CPNE4: variants seen among roughly 807,000 people sequenced by gnomAD.
The protein encoded by CPNE4 is copine-4.
CPNE4 carries 25 observed loss-of-function variants against 67.9 expected under a neutral mutation model. That is an observed-to-expected ratio of 0.37 (90% CI 0.27 to 0.51). The LOEUF (loss-of-function observed/expected upper bound fraction) is 0.51. CPNE4 is among the 20% of genes least tolerant of loss of function. The probability of loss-of-function intolerance (pLI) is 0.93; values close to 1 mark genes in which losing one functional copy is unlikely to be tolerated. For missense variants in CPNE4, 464 were observed against 690.8 expected, an observed-to-expected ratio of 0.67 and a Z score of 3.68; for synonymous variants, 242 against 244.9, an observed-to-expected ratio of 0.99 and a Z score of 0.11.
intron 1 of CPNE4, among the ~76,000 whole-genome samples, chr3:132,004,400 G>A (rs1260886009): frequency 1.3e-5 from 2 of 152,192 alleles, no homozygotes; most frequent in South Asian, 2.1e-4. Context: ...ATGTATGTCT[G>A]CATATGTGTG....
chr3:131,637,495 G>A (rs1235934190), intron 7 of CPNE4, among the ~76,000 whole-genome samples: 3 of 151,928 alleles, frequency 2.0e-5, no homozygotes, highest in Non-Finnish European at 4.4e-5. Flanking sequence ...CAAAGACAAA[G>A]AAAAAAAATT....
intron 2 of CPNE4, among the ~76,000 whole-genome samples, chr3:131,734,872 CAG>C (rs1243053960): frequency 6.6e-6 from 1 of 152,124 alleles, no homozygotes; most frequent in Non-Finnish European, 1.5e-5. Flanking sequence ...GCCTGGGCAA[CAG>C]GAGTGAAACC....
At chr3:131,900,835 A>G (rs749550271) in intron 2 of CPNE4, among the ~76,000 whole-genome samples, 2 of 152,278 alleles carry the variant, frequency 1.3e-5, no homozygotes, top group South Asian at 2.1e-4. Context: ...GTCACTAACA[A>G]TAATTACCAA....
intron 15 of CPNE4, among the ~76,000 whole-genome samples, chr3:131,540,135 C>A (rs1220218260): frequency 6.6e-6 from 1 of 152,190 alleles, no homozygotes. Context: ...ACATGCACAG[C>A]CCTGGGAGCT....
Position 132,034,906 on chromosome 3 carries a change from G to T in CPNE4, c.-341C>A. On this transcript the variant is annotated 5_prime_UTR_variant, in exon 1 of 16. Coordinates refer to ENST00000429747, the MANE Select transcript of CPNE4 (RefSeq NM_130808.3). ...GGAGGGTACTGAGAAAAGAGGGAGG[G>T]AGTGGAGTGGAGCGAGGGAGGAAGG... The T allele has an allele frequency of 1.0e-6, 1 of 985,448 alleles. No individual in the cohort carries two copies. The highest frequency in any genetic ancestry group is 1.2e-6 in the Non-Finnish European group (1 of 829,970). 61.0% of individuals were successfully genotyped at this position (985,448 alleles called of 1,614,324 possible). A position where few individuals can be genotyped will look rare whatever the true frequency, so the allele number is the denominator to read the frequency against.
intron 1 of CPNE4, among the ~76,000 whole-genome samples, chr3:131,927,949 A>G (rs577906409): frequency 2.0e-5 from 3 of 152,312 alleles, no homozygotes; most frequent in African/African-American, 7.2e-5. Flanking sequence ...GAAAACCGCT[A>G]AAGAAAATTG....
At chr3:132,025,173 T>C (rs936745622) in intron 1 of CPNE4, among the ~76,000 whole-genome samples, 1 of 152,136 alleles carries the variant, frequency 6.6e-6, no homozygotes, top group African/African-American at 2.4e-5. Flanking sequence ...TTTTAGACTT[T>C]CGTAACAGAG....
At chr3:131,789,859 C>A (rs892558131) in intron 2 of CPNE4, among the ~76,000 whole-genome samples, 1 of 152,122 alleles carries the variant, frequency 6.6e-6, no homozygotes, top group African/African-American at 2.4e-5. Flanking sequence ...GCACAAGCAA[C>A]CTTAGAAGCA....
intron 1 of CPNE4, among the ~76,000 whole-genome samples, chr3:131,945,931 C>T (rs1560650644): frequency 6.6e-6 from 1 of 152,166 alleles, no homozygotes; most frequent in Non-Finnish European, 1.5e-5. Context: ...ACCATGTGTG[C>T]TATGTTTTAA....
chr3:131,786,230 A>T (rs1382841423), intron 2 of CPNE4, among the ~76,000 whole-genome samples: 1 of 151,758 alleles, frequency 6.6e-6, no homozygotes, highest in East Asian at 1.9e-4. Context: ...CTTACCTTCA[A>T]ACTCAGCTTT....
intron 1 of CPNE4, among the ~76,000 whole-genome samples, chr3:132,022,768 T>C (rs75040480): frequency 0.029 from 4,456 of 152,242 alleles, 227 homozygotes; most frequent in African/African-American, 0.097. Flanking sequence ...TTTAGATGTT[T>C]GGTGTCAAAA....
At chr3:131,629,806 A>G (rs957809072) in intron 7 of CPNE4, among the ~76,000 whole-genome samples, 4 of 152,038 alleles carry the variant, frequency 2.6e-5, no homozygotes, top group African/African-American at 9.7e-5. Context: ...GACTCTCCTT[A>G]TTGTGATATT....
intron 2 of CPNE4, among the ~76,000 whole-genome samples, chr3:131,872,155 T>A (rs1299392232): frequency 6.6e-5 from 10 of 151,752 alleles, no homozygotes; most frequent in Non-Finnish European, 1.5e-4. Context: ...ATCAATAGGA[T>A]GTATGCGTGT....
At chr3:131,731,517 G>A (rs1484479332) in intron 2 of CPNE4, among the ~76,000 whole-genome samples, 1 of 152,122 alleles carries the variant, frequency 6.6e-6, no homozygotes, top group African/African-American at 2.4e-5. Flanking sequence ...GCCAAATGCT[G>A]CGTGTCCTCT....
chr3:131,748,014 A>C (rs1289544826), intron 2 of CPNE4, among the ~76,000 whole-genome samples: 1 of 152,006 alleles, frequency 6.6e-6, no homozygotes, highest in Non-Finnish European at 1.5e-5. Flanking sequence ...CAAGCTGAGG[A>C]AGTTCTCCTC....
At chr3:131,906,294 G>A (rs1453719925) in intron 1 of CPNE4, among the ~76,000 whole-genome samples, 1 of 151,180 alleles carries the variant, frequency 6.6e-6, no homozygotes, top group Non-Finnish European at 1.5e-5. Flanking sequence ...GGGTACATGG[G>A]CACAATGTGC....
chr3:131,868,832 C>T (rs2107687666), intron 2 of CPNE4, among the ~76,000 whole-genome samples: 1 of 152,236 alleles, frequency 6.6e-6, no homozygotes, highest in East Asian at 1.9e-4. Context: ...TTGTCCTCCA[C>T]ATAGAAAAAC....
At chr3:131,542,293 G>T (rs1935546425) in intron 15 of CPNE4, among the ~76,000 whole-genome samples, 1 of 152,082 alleles carries the variant, frequency 6.6e-6, no homozygotes, top group African/African-American at 2.4e-5. Flanking sequence ...GCCTACAATA[G>T]TTAGCATGGC....
chr3:131,975,267 A>G (rs2072616311), intron 1 of CPNE4, among the ~76,000 whole-genome samples: 2 of 152,116 alleles, frequency 1.3e-5, no homozygotes, highest in Non-Finnish European at 2.9e-5. Context: ...ATGAGGAGAA[A>G]CAGGAAGCGA....
Sources: gnomAD v4.1 joint callset for allele counts (sites outside exome capture counted in the v4.1 genomes callset) on GRCh38, gnomAD v4.1.1 for gene constraint, MANE v1.5 for transcripts, NCBI Gene and HGNC (gene_info 2026-07-23, HGNC 2026-07-21) for gene names.